The following SLC14A2 variants were observed in gnomAD, a reference collection of about 807,000 sequenced individuals.
SLC14A2 encodes the protein solute carrier family 14 member 2, also known as urea transporter 2.
SLC14A2 carries 91 observed loss-of-function variants against 104.6 expected under a neutral mutation model. The observed-to-expected ratio is 0.87, with a 90% CI of 0.73 to 1.04. SLC14A2 has a LOEUF of 1.04. Ranked by LOEUF, SLC14A2 falls within the 50% of genes least tolerant of loss-of-function variation. SLC14A2 has a pLI of 0.00. For missense variants in SLC14A2, 1,189 were observed against 1,156.0 expected (o/e 1.03, Z -0.41); for synonymous variants, 476 against 466.4 (o/e 1.02, Z -0.27).
At chr18:45,499,868 C>G (rs2043163831) in intron 2 of SLC14A2, among the ~76,000 whole-genome samples, 1 of 152,160 alleles carries the variant, frequency 6.6e-6, no homozygotes, top group African/African-American at 2.4e-5. Context: ...GACTTTGCAA[C>G]TCAGCAAGAC....
chr18:45,388,359 G>A (rs1008612998), intron 1 of SLC14A2, among the ~76,000 whole-genome samples: 3 of 152,064 alleles, frequency 2.0e-5, no homozygotes, highest in Non-Finnish European at 4.4e-5. Context: ...ACCGCGCCCG[G>A]CTGCTCATAT....
At chr18:45,484,568 C>T (rs973201707) in intron 2 of SLC14A2, among the ~76,000 whole-genome samples, 15 of 152,176 alleles carry the variant, frequency 9.9e-5, no homozygotes, top group African/African-American at 3.6e-4. Context: ...CCAGCTATAT[C>T]CCCTTCTCAT....
intron 5 of SLC14A2, chr18:45,634,873 A>G (rs1742053192): frequency 2.2e-6 from 1 of 456,984 alleles, no homozygotes; most frequent in Non-Finnish European, 4.4e-6. Context: ...AGCATCTGCT[A>G]CAATAATCCA....
At chr18:45,532,941 A>G (rs1454551460) in intron 2 of SLC14A2, among the ~76,000 whole-genome samples, 1 of 152,178 alleles carries the variant, frequency 6.6e-6, no homozygotes, top group Non-Finnish European at 1.5e-5. Flanking sequence ...CCTTTTCTGC[A>G]TCTATTGAGA....
intron 1 of SLC14A2, among the ~76,000 whole-genome samples, chr18:45,449,536 C>A (rs1245587412): frequency 6.6e-6 from 1 of 152,180 alleles, no homozygotes; most frequent in Non-Finnish European, 1.5e-5. Context: ...GCTGGACACC[C>A]AGTCAGGCCT....
chr18:45,282,531 A>C (rs895403231), intron 1 of SLC14A2, among the ~76,000 whole-genome samples: 2 of 152,142 alleles, frequency 1.3e-5, no homozygotes, highest in Non-Finnish European at 2.9e-5. Flanking sequence ...CTGCCTTCAA[A>C]GAATGATCTC....
intron 1 of SLC14A2, among the ~76,000 whole-genome samples, chr18:45,401,998 G>A (rs1399035909): frequency 6.6e-6 from 1 of 152,190 alleles, no homozygotes; most frequent in Non-Finnish European, 1.5e-5. Context: ...AGGCTTTAGA[G>A]GTGAATATTT....
chr18:45,352,374 A>G (rs1167108900), intron 1 of SLC14A2, among the ~76,000 whole-genome samples: 5 of 152,194 alleles, frequency 3.3e-5, no homozygotes, highest in Non-Finnish European at 5.9e-5. Flanking sequence ...GTAGAGACGA[A>G]TTGTTCATGA....
At chr18:45,240,140 A>C (rs1038988744) in intron 1 of SLC14A2, among the ~76,000 whole-genome samples, 5 of 120,410 alleles carry the variant, frequency 4.2e-5, no homozygotes, top group African/African-American at 1.0e-4. Context: ...TCTGTTGCCC[A>C]GGCTGGAGTA....
At chr18:45,501,129 A>C (rs1167798946) in intron 2 of SLC14A2, among the ~76,000 whole-genome samples, 1 of 152,222 alleles carries the variant, frequency 6.6e-6, no homozygotes, top group East Asian at 1.9e-4. Context: ...CCAGCAAAGA[A>C]CCTGAGGATC....
chr18:45,498,407 G>A lies in SLC14A2; in HGVS notation c.-35+15085G>A, dbSNP rs189388021. Among the ~76,000 whole-genome samples, 5 of 152,346 alleles carry A rather than the reference G, an allele frequency of 3.3e-5. No homozygotes were observed. The East Asian group carries it at 5.8e-4, about 18-fold the overall frequency. On this transcript the variant is annotated intron_variant, in intron 2 of 20. Transcript: ENST00000586448. ...TGCAAAACAGACAGGGAAGGGCAGC[G>A]AGAAGCTGCCAGACGCCCAGAGCCA...
At chr18:45,280,210 A>G (rs2084747826) in intron 1 of SLC14A2, among the ~76,000 whole-genome samples, 1 of 152,156 alleles carries the variant, frequency 6.6e-6, no homozygotes, top group Admixed American at 6.5e-5. Context: ...CCTGACCTCA[A>G]TGGGGTTGTA....
rs1447833486 is a variant in SLC14A2, at chr18:45,285,580, G to A, written c.-125+72389G>A. ...TTACAGGCACGCGTCACCACACTCA[G>A]CTTATTTTTGTATTTTTAGCAGAGA... On this transcript the variant is annotated intron_variant, in intron 1 of 20. Coordinates refer to the SLC14A2 transcript ENST00000586448. 2.0e-5 allele frequency among the ~76,000 whole-genome samples: 3 copies of A among 151,658 alleles called. No individual in the cohort carries two copies. The East Asian group carries it at 5.8e-4, about 29-fold the overall frequency.
At chr18:45,596,338 G>A (rs181496237) in intron 2 of SLC14A2, among the ~76,000 whole-genome samples, 8 of 152,324 alleles carry the variant, frequency 5.3e-5, no homozygotes, top group Middle Eastern at 3.4e-3. Context: ...GGAGGCATGC[G>A]CAGCTAGAAC....
chr18:45,299,464 G>GT (rs979600519), intron 1 of SLC14A2, among the ~76,000 whole-genome samples: 2 of 152,016 alleles, frequency 1.3e-5, no homozygotes, highest in African/African-American at 2.4e-5. Context: ...TTTTGTTTTT[G>GT]TTTTTTTATT....
intron 1 of SLC14A2, among the ~76,000 whole-genome samples, chr18:45,398,201 G>T (rs561328266): frequency 1.1e-3 from 175 of 152,264 alleles, no homozygotes; most frequent in South Asian, 0.01. Flanking sequence ...TTCTCATGGT[G>T]TTCTTTCTGA....
chr18:45,402,449 A>T (rs1451919020), intron 1 of SLC14A2, among the ~76,000 whole-genome samples: 4 of 152,104 alleles, frequency 2.6e-5, no homozygotes, highest in South Asian at 4.1e-4. Flanking sequence ...ATTTTCATAC[A>T]TTTTTATTGT....
chr18:45,479,454 C>T (rs1238463370), intron 1 of SLC14A2, among the ~76,000 whole-genome samples: 2 of 152,164 alleles, frequency 1.3e-5, no homozygotes, highest in African/African-American at 2.4e-5. Context: ...CTTGCAACAG[C>T]GTAATAAAGC....
intron 2 of SLC14A2, among the ~76,000 whole-genome samples, chr18:45,544,385 C>G (rs1224739044): frequency 6.6e-6 from 1 of 152,200 alleles, no homozygotes; most frequent in Non-Finnish European, 1.5e-5. Context: ...TAGGATCTCT[C>G]TCCCACTCAT....
Sources: allele counts gnomAD v4.1 joint callset (sites outside exome capture counted in the v4.1 genomes callset), GRCh38; gene constraint gnomAD v4.1.1; transcripts MANE v1.5; gene names NCBI Gene and HGNC (gene_info 2026-07-23, HGNC 2026-07-21).